Variants in APBB2 observed in about 807,000 individuals in gnomAD.
The protein encoded by APBB2 is Fe65-like 1.
In APBB2, 38 loss-of-function variants were observed where a neutral mutation model predicts 82.5. The ratio of observed to expected loss-of-function variants is 0.46; its 90% CI spans 0.36 to 0.60. APBB2 has a LOEUF of 0.60. APBB2 is among the 20% of genes least tolerant of loss of function. APBB2 has a pLI of 0.00. For missense variants in APBB2, 772 were observed against 972.3 expected (o/e 0.79, Z 2.74); for synonymous variants, 341 against 368.2 (o/e 0.93, Z 0.85).
intron 6 of APBB2, among the ~76,000 whole-genome samples, chr4:41,003,901 C>T (rs1805918907): frequency 2.0e-5 from 3 of 152,088 alleles, no homozygotes; most frequent in Admixed American, 1.3e-4. Flanking sequence ...TTAGTAGAGA[C>T]AGGGTTTCAC....
At chr4:41,039,206 A>G (rs138993629) in intron 4 of APBB2, among the ~76,000 whole-genome samples, 359 of 152,304 alleles carry the variant, frequency 2.4e-3, no homozygotes, top group African/African-American at 8.2e-3. Flanking sequence ...GAATAAGACA[A>G]TCTTTGTTGT....
chr4:41,048,350 C>T (rs568697191), intron 4 of APBB2, among the ~76,000 whole-genome samples: 15 of 152,224 alleles, frequency 9.9e-5, no homozygotes, highest in African/African-American at 3.6e-4. Context: ...TACTTCTGGT[C>T]GCAAACATCT....
chr4:40,930,175 G>A (rs763129037), intron 10 of APBB2, among the ~76,000 whole-genome samples: 32 of 152,130 alleles, frequency 2.1e-4, no homozygotes, highest in Non-Finnish European at 3.7e-4. Flanking sequence ...AGTTTTGACC[G>A]ATGTACCATG....
chr4:40,862,418 T>C (rs1762966711), intron 12 of APBB2, among the ~76,000 whole-genome samples: 3 of 152,244 alleles, frequency 2.0e-5, no homozygotes, highest in African/African-American at 4.8e-5. Context: ...GAATTGAGGA[T>C]AAGGGAATCC....
At chr4:41,132,018 C>CGACA (rs1268649763) in intron 2 of APBB2, among the ~76,000 whole-genome samples, 4 of 148,326 alleles carry the variant, frequency 2.7e-5, no homozygotes, top group Non-Finnish European at 4.5e-5. Context: ...CCAGCTTGGG[C>CGACA]GACAGAGCAA....
chr4:41,181,338 G>A (rs554953622), intron 1 of APBB2, among the ~76,000 whole-genome samples: 2 of 152,310 alleles, frequency 1.3e-5, no homozygotes, highest in Admixed American at 6.5e-5. Flanking sequence ...CTTGGATAAT[G>A]GGAGACGATG....
At chr4:41,021,630 G>A (rs543349896) in intron 5 of APBB2, among the ~76,000 whole-genome samples, 43 of 152,252 alleles carry the variant, frequency 2.8e-4, no homozygotes, top group African/African-American at 9.9e-4. Context: ...AAAATGGTCC[G>A]TTCAGTGCTC....
At chr4:41,095,868 G>T (rs1349291105) in intron 3 of APBB2, among the ~76,000 whole-genome samples, 1 of 152,074 alleles carries the variant, frequency 6.6e-6, no homozygotes, top group Non-Finnish European at 1.5e-5. Context: ...ACTCTGGATG[G>T]CTATTTATTG....
intron 6 of APBB2, among the ~76,000 whole-genome samples, chr4:41,008,477 A>T (rs1222209117): frequency 1.3e-5 from 2 of 152,150 alleles, no homozygotes; most frequent in Non-Finnish European, 2.9e-5. Flanking sequence ...TATTAAGCTC[A>T]CTTGCCATAT....
rs944947468 is a variant in APBB2 at position 41,135,297 on chromosome 4, C to G, written c.-261+7690G>C. On this transcript the variant is annotated intron_variant, in intron 2 of 17. Coordinates refer to ENST00000508593, the MANE Select transcript of APBB2 (RefSeq NM_004307.2). The stretch of plus-strand genomic sequence containing the variant: ...ACATTCAAAACTATATTCTTTCATC[C>G]TTAAAGACAGTACACTAACAAACTG... Among the ~76,000 whole-genome samples, 20 of 152,054 alleles carry G rather than the reference C, an allele frequency of 1.3e-4. 1 individual carries two copies. The highest frequency in any genetic ancestry group is 1.5e-5 in the Non-Finnish European group (1 of 67,996).
Position 40,839,117 on chromosome 4 carries a change from G to C in APBB2, c.1530-8540C>G, listed in dbSNP as rs565570400. Among the ~76,000 whole-genome samples the C allele has an allele frequency of 1.4e-3, 207 of 151,758 alleles. 2 individuals carry two copies. The highest frequency in any genetic ancestry group is 4.6e-3 in the African/African-American group (192 of 41,318). On this transcript the variant is annotated intron_variant, in intron 12 of 17. Coordinates refer to ENST00000508593, the MANE Select transcript of APBB2 (RefSeq NM_004307.2). ...TTTTGAGACAGGGTCTCACTCTGTC[G>C]GCCAGGCTGGAGTGCAGTGGTGCAA... is the stretch of plus-strand genomic sequence containing the variant.
chr4:40,926,197 G>A lies in APBB2; in HGVS notation c.1254+8259C>T, dbSNP rs571621025. 2.6e-5 allele frequency among the ~76,000 whole-genome samples: 4 copies of A among 152,296 alleles called. No individual in the cohort carries two copies. In the South Asian group the frequency reaches 8.3e-4, roughly 32 times the overall value. Reference sequence around the variant, plus strand: ...TCCAACTGTATAATGTTATTACTCTGTGTTGTTTGTAGACTGGCAGTATTG... The same window carrying A: ...TCCAACTGTATAATGTTATTACTCTATGTTGTTTGTAGACTGGCAGTATTG... On this transcript the variant is annotated intron_variant, in intron 10 of 17. Transcript: ENST00000508593.
intron 3 of APBB2, chr4:41,084,473 G>C (rs1738901195): frequency 6.6e-6 from 1 of 152,192 alleles, no homozygotes; most frequent in Non-Finnish European, 1.5e-5. Flanking sequence ...GCAAATGTAA[G>C]TTTTAAGTAA....
intron 10 of APBB2, among the ~76,000 whole-genome samples, chr4:40,894,394 G>A (rs1773068754): frequency 6.8e-6 from 1 of 147,404 alleles, no homozygotes; most frequent in African/African-American, 2.7e-5. Context: ...TTTAAATAGT[G>A]AGAAATGCAA....
At chr4:41,059,666 C>A (rs1440593754) in intron 4 of APBB2, among the ~76,000 whole-genome samples, 1 of 152,242 alleles carries the variant, frequency 6.6e-6, no homozygotes, top group Admixed American at 6.5e-5. Context: ...TTTAATTTGG[C>A]CCATCCCTTC....
chr4:41,086,640 G>A (rs1348477521), intron 3 of APBB2, among the ~76,000 whole-genome samples: 5 of 152,024 alleles, frequency 3.3e-5, no homozygotes, highest in Admixed American at 6.6e-5. Flanking sequence ...AACATTCAAC[G>A]AATTAGGAAC....
At chr4:40,982,195 G>GAAAGAAAGA (rs1229294586) in intron 6 of APBB2, among the ~76,000 whole-genome samples, 1 of 47,868 alleles carries the variant, frequency 2.1e-5, no homozygotes, top group Admixed American at 2.8e-4. Flanking sequence ...CAAAAAAAAG[G>GAAAGAAAGA]AAAGAAAGAA....
intron 1 of APBB2, among the ~76,000 whole-genome samples, chr4:41,190,184 T>C (rs1481983655): frequency 1.3e-5 from 2 of 152,024 alleles, no homozygotes; most frequent in African/African-American, 2.4e-5. Flanking sequence ...TATTATTTCA[T>C]TGTAGTATAT....
At chr4:40,881,174 G>A in intron 12 of APBB2, 1 of 985,402 alleles carries the variant, frequency 1.0e-6, no homozygotes, top group Non-Finnish European at 1.2e-6. Context: ...TTATCATGGA[G>A]CTGCATTAAA....
Sources: allele counts gnomAD v4.1 joint callset (sites outside exome capture counted in the v4.1 genomes callset), GRCh38; gene constraint gnomAD v4.1.1; transcripts MANE v1.5; gene names NCBI Gene and HGNC (gene_info 2026-07-23, HGNC 2026-07-21).